The following ATP13A5 variants were observed in gnomAD, a reference collection of about 807,000 sequenced individuals.
ATP13A5 encodes the protein probable cation-transporting ATPase 13A5.
A neutral mutation model predicts 150.2 loss-of-function variants in ATP13A5; 149 were observed. That is an observed-to-expected ratio of 0.99 (90% CI 0.87 to 1.14). The LOEUF (loss-of-function observed/expected upper bound fraction) is 1.14, where lower values mean the gene tolerates loss of function less well. Ranked by LOEUF, ATP13A5 falls within the 50% of genes most tolerant of loss-of-function variation. The pLI is 0.00. For missense variants in ATP13A5, 1,383 were observed against 1,449.3 expected, an observed-to-expected ratio of 0.95 and a Z score of 0.74; for synonymous variants, 497 against 522.2, an observed-to-expected ratio of 0.95 and a Z score of 0.66.
intron 16 of ATP13A5, among the ~76,000 whole-genome samples, chr3:193,320,070 A>G (rs1276293089): frequency 6.6e-6 from 1 of 152,220 alleles, no homozygotes; most frequent in African/African-American, 2.4e-5. Context: ...TAAAATCTTT[A>G]TGATTTATAA....
Position 193,289,970 on chromosome 3 carries a change from T to A in ATP13A5, c.2938A>T (p.Asn980Tyr). 6.2e-7 allele frequency: 1 copy of A among 1,612,930 alleles called. No individual in the cohort carries two copies. The highest frequency in any genetic ancestry group is 2.2e-5 in the East Asian group (1 of 44,828). Residue 980 changes from asparagine to tyrosine, a missense_variant, in exon 26 of 30, where the codon AAT (asparagine) becomes TAT (tyrosine). Asn to Tyr is a moderately radical substitution (Grantham distance 143). This residue lies in a region of ATP13A5 where 568 missense variants were observed against 621.5 expected (regional missense o/e 0.91). Transcript: ENST00000342358. ...TGCACAATGCAGGAGAAACAGGAAT[T>A]CAAAAATATTGAAAGCAGTAAAGGG... is the stretch of plus-strand genomic sequence containing the variant. Reference protein sequence around the residue: ...SPPLLLSIFLNSCFSCIVQIS... With the variant: ...SPPLLLSIFLYSCFSCIVQIS...
intron 1 of ATP13A5, among the ~76,000 whole-genome samples, chr3:193,366,253 A>G (rs2108582090): frequency 6.6e-6 from 1 of 152,154 alleles, no homozygotes; most frequent in Admixed American, 6.5e-5. Flanking sequence ...ACCCAACTAT[A>G]TTAGTAATTG....
chr3:193,311,069 A>G (rs1254308095), intron 20 of ATP13A5, among the ~76,000 whole-genome samples: 3 of 152,194 alleles, frequency 2.0e-5, no homozygotes, highest in Admixed American at 1.3e-4. Context: ...TAATCATAGC[A>G]TAGACAGAGG....
At chr3:193,346,950 C>T (rs1223528229) in intron 7 of ATP13A5, among the ~76,000 whole-genome samples, 2 of 152,070 alleles carry the variant, frequency 1.3e-5, no homozygotes, top group Non-Finnish European at 2.9e-5. Flanking sequence ...ACCCTGGAGT[C>T]AGTCAGGATT....
chr3:193,302,853 A>G (rs182873570), intron 23 of ATP13A5, among the ~76,000 whole-genome samples: 92 of 152,328 alleles, frequency 6.0e-4, no homozygotes, highest in African/African-American at 2.1e-3. Context: ...AAATGAGCCT[A>G]ACAGAGCTGA....
At chr3:193,290,445 TAGAATGAGG>T (rs1717906265) in intron 25 of ATP13A5, among the ~76,000 whole-genome samples, 2 of 152,054 alleles carry the variant, frequency 1.3e-5, no homozygotes, top group South Asian at 2.1e-4. Context: ...AGTGGAGAGT[TAGAATGAGG>T]AGAATAAGGA....
chr3:193,276,656 G>T lies in ATP13A5; in HGVS notation c.3396+94C>A, dbSNP rs985110015. The T allele has an allele frequency of 1.1e-5, 9 of 831,844 alleles. No homozygotes were observed. In the Admixed American group the frequency reaches 1.8e-4, roughly 17 times the overall value. 51.5% of individuals were successfully genotyped at this position (831,844 alleles called of 1,614,324 possible). ...AACCCTTAATAACTGTCATTTTGGG[G>T]GATCAAAGTGGTTGCTCTAGAAAAT... On this transcript the variant is annotated intron_variant, in intron 29 of 29. Transcript: ENST00000342358.
chr3:193,368,092 C>A (rs1713301371), intron 1 of ATP13A5, among the ~76,000 whole-genome samples: 1 of 151,838 alleles, frequency 6.6e-6, no homozygotes, highest in African/African-American at 2.4e-5. Context: ...AAAGAATATA[C>A]AAAGTATAAG....
intron 5 of ATP13A5, among the ~76,000 whole-genome samples, chr3:193,355,670 G>A (rs902738237): frequency 1.3e-5 from 2 of 152,202 alleles, no homozygotes; most frequent in Non-Finnish European, 2.9e-5. Context: ...GAATCAGAGA[G>A]GGCAAACAGC....
At chr3:193,275,797 T>C (rs977680070) in intron 29 of ATP13A5, among the ~76,000 whole-genome samples, 1 of 152,218 alleles carries the variant, frequency 6.6e-6, no homozygotes, top group Admixed American at 6.5e-5. Context: ...GTAATGAAAT[T>C]GGTCAAATTT....
Position 193,289,872 on chromosome 3 carries a change from A to T in ATP13A5, c.3023+13T>A. On this transcript the variant is annotated intron_variant, in intron 26 of 29. Transcript: ENST00000342358. The stretch of plus-strand genomic sequence containing the variant: ...ATTACCTTTCGAAAGCAGCACTAAG[A>T]AAATGAACTTACCTGTATTGGTAGA... The T allele has an allele frequency of 6.4e-7, 1 of 1,569,432 alleles. No individual in the cohort carries two copies. Among genetic ancestry groups the T allele is most frequent in the Non-Finnish European group, 8.6e-7 (1 of 1,159,448 alleles).
chr3:193,335,612 G>A (rs1294766729), intron 9 of ATP13A5, among the ~76,000 whole-genome samples: 1 of 152,144 alleles, frequency 6.6e-6, no homozygotes, highest in Non-Finnish European at 1.5e-5. Context: ...ATAAGCTCAT[G>A]GAGCAAGGTG....
chr3:193,280,490 T>A (rs1407267894), intron 27 of ATP13A5, among the ~76,000 whole-genome samples: 2 of 152,218 alleles, frequency 1.3e-5, no homozygotes, highest in African/African-American at 4.8e-5. Context: ...CTGTGACCAT[T>A]TGAAAGTGGC....
Position 193,351,116 on chromosome 3 carries a change from A to G in ATP13A5, c.692T>C (p.Ile231Thr). 6.2e-7 allele frequency: 1 copy of G among 1,613,822 alleles called. No individual in the cohort carries two copies. The highest frequency in any genetic ancestry group is 8.5e-7 in the Non-Finnish European group (1 of 1,179,762). The part of the protein sequence containing the change: ...QGYIEYSVAI[I>T]ILTVISIVLS... ...GACAATGGAGATAACAGTCAAAATGATGATGGCCACAGAGTATTCTATGTA... is the reference window on the plus strand; with the variant it reads ...GACAATGGAGATAACAGTCAAAATGGTGATGGCCACAGAGTATTCTATGTA... Residue 231 changes from isoleucine to threonine, a missense_variant, in exon 7 of 30, where the codon ATC (isoleucine) becomes ACC (threonine). Ile to Thr is a moderately conservative substitution (Grantham distance 89). This residue lies in a region of ATP13A5 where 787 missense variants were observed against 771.9 expected (regional missense o/e 1.02). Coordinates refer to ENST00000342358, the MANE Select transcript of ATP13A5 (RefSeq NM_198505.4).
intron 14 of ATP13A5, among the ~76,000 whole-genome samples, chr3:193,324,189 G>C (rs1719388372): frequency 6.6e-6 from 1 of 152,152 alleles, no homozygotes; most frequent in Non-Finnish European, 1.5e-5. Context: ...GCAGCCTTCA[G>C]GGTGGGTTTA....
At chr3:193,366,992 C>T (rs540062224) in intron 1 of ATP13A5, among the ~76,000 whole-genome samples, 2 of 151,932 alleles carry the variant, frequency 1.3e-5, no homozygotes, top group South Asian at 2.1e-4. Context: ...GGAAATCATT[C>T]GAACTGAATG....
intron 21 of ATP13A5, among the ~76,000 whole-genome samples, chr3:193,309,338 C>T (rs769285403): frequency 6.6e-6 from 1 of 152,170 alleles, no homozygotes; most frequent in Non-Finnish European, 1.5e-5. Flanking sequence ...TATAACGCAC[C>T]TACTTCCCCA....
chr3:193,292,031 A>C (rs4234626), intron 25 of ATP13A5, among the ~76,000 whole-genome samples: 65,558 of 151,792 alleles, frequency 0.43, 14,723 homozygotes, highest in Non-Finnish European at 0.49. Context: ...TGGTATCGAG[A>C]GCCCCACACC....
intron 1 of ATP13A5, among the ~76,000 whole-genome samples, chr3:193,364,831 G>A (rs1457197124): frequency 1.3e-5 from 2 of 152,064 alleles, no homozygotes; most frequent in African/African-American, 4.8e-5. Context: ...TGTAAATTAA[G>A]GAATTACTCG....
Sources: gnomAD v4.1 joint callset for allele counts (sites outside exome capture counted in the v4.1 genomes callset) on GRCh38, gnomAD v4.1.1 for gene constraint, gnomAD v4.1.1 regional missense constraint, MANE v1.5 for transcripts, NCBI Gene and HGNC (gene_info 2026-07-23, HGNC 2026-07-21) for gene names.